LHFPL4: variants seen among roughly 807,000 people sequenced by gnomAD.
LHFPL4 encodes LHFPL tetraspan subfamily member 4.
LHFPL4 carries 6 observed loss-of-function variants against 20.0 expected under a neutral mutation model. The observed-to-expected ratio is 0.30, with a 90% CI of 0.16 to 0.59. The LOEUF (loss-of-function observed/expected upper bound fraction) is 0.59, where lower values mean the gene tolerates loss of function less well. LHFPL4 is among the 20% of genes least tolerant of loss of function. LHFPL4 has a pLI of 0.88. For missense variants in LHFPL4, 215 were observed against 331.2 expected, an observed-to-expected ratio of 0.65 and a Z score of 2.72; for synonymous variants, 129 against 143.8, an observed-to-expected ratio of 0.90 and a Z score of 0.74.
At chr3:9,544,623 TCAAAA>T (rs755762911) in intron 2 of LHFPL4, among the ~76,000 whole-genome samples, 4 of 152,164 alleles carry the variant, frequency 2.6e-5, no homozygotes, top group Admixed American at 6.6e-5. Flanking sequence ...AGACTCTATC[TCAAAA>T]CAAACAAACA....
intron 2 of LHFPL4, among the ~76,000 whole-genome samples, chr3:9,543,736 T>TTTTTTTTTTTTG (rs2046493452): frequency 6.8e-6 from 1 of 146,430 alleles, no homozygotes; most frequent in East Asian, 2.0e-4. Flanking sequence ...TTGGTTTTTT[T>TTTTTTTTTTTTG]TTTTTTTTTT....
In LHFPL4 at chr3:9,552,662, C is replaced by T; in HGVS notation, c.18G>A (p.Glu6=). Residue 6 remains glutamate (E), a synonymous_variant, in exon 2 of 4, where the codon GAG becomes GAA. Transcript: ENST00000287585. MLPSQ[E]ASKLYHEHYM... is the part of the protein sequence containing the mutation. ...AGTGCTCGTGGTAGAGCTTGGAGGC[C>T]TCCTGCGAGGGCAGCATGGTGCCCG... 1 of 1,593,388 alleles carries T rather than the reference C, an allele frequency of 6.3e-7. No individual in the cohort carries two copies. The highest frequency in any genetic ancestry group is 8.5e-7 in the Non-Finnish European group (1 of 1,170,160).
chr3:9,522,902 G>A (rs1402332996), intron 2 of LHFPL4, among the ~76,000 whole-genome samples: 1 of 151,658 alleles, frequency 6.6e-6, no homozygotes, highest in Non-Finnish European at 1.5e-5. Flanking sequence ...TTAGCCTGGC[G>A]TGGTGGTGGG....
intron 3 of LHFPL4, among the ~76,000 whole-genome samples, chr3:9,504,114 T>C (rs1053141066): frequency 6.6e-6 from 1 of 152,160 alleles, no homozygotes; most frequent in African/African-American, 2.4e-5. Flanking sequence ...CTCATGCCTG[T>C]AATCCCAACA....
chr3:9,517,148 T>A (rs2046308459), intron 2 of LHFPL4, among the ~76,000 whole-genome samples: 1 of 152,160 alleles, frequency 6.6e-6, no homozygotes, highest in Non-Finnish European at 1.5e-5. Context: ...GTAGTATCAA[T>A]CCTCTGATTT....
intron 2 of LHFPL4, among the ~76,000 whole-genome samples, chr3:9,546,197 C>A (rs991599333): frequency 4.0e-5 from 6 of 151,236 alleles, no homozygotes; most frequent in Admixed American, 1.3e-4. Flanking sequence ...TGCCTGTAAT[C>A]CCAGCTACTC....
chr3:9,504,773 G>T (rs973443189), intron 3 of LHFPL4, among the ~76,000 whole-genome samples: 12 of 151,150 alleles, frequency 7.9e-5, no homozygotes, highest in Admixed American at 2.6e-4. Flanking sequence ...TGCAGTGAGT[G>T]GAGATCGCGC....
rs193018646 is a variant in LHFPL4, at chr3:9,521,779, T to C, written c.407-15576A>G. On this transcript the variant is annotated intron_variant, in intron 2 of 3. Transcript: ENST00000287585. ...TACTTTTAATCAATATGTGTCTTTATATTTAAGTGGGTTTCTTAAAAGACA... is the reference window on the plus strand; with the variant it reads ...TACTTTTAATCAATATGTGTCTTTACATTTAAGTGGGTTTCTTAAAAGACA... 1.1e-3 allele frequency among the ~76,000 whole-genome samples: 173 copies of C among 152,272 alleles called. 1 individual carries two copies. The highest frequency in any genetic ancestry group is 3.8e-3 in the African/African-American group (158 of 41,562).
At chr3:9,514,408 T>C (rs2125657751) in intron 2 of LHFPL4, among the ~76,000 whole-genome samples, 1 of 152,232 alleles carries the variant, frequency 6.6e-6, no homozygotes, top group East Asian at 1.9e-4. Flanking sequence ...AGATTTCCCA[T>C]CCACTCCCTG....
At chr3:9,544,591 C>T (rs2046500041) in intron 2 of LHFPL4, among the ~76,000 whole-genome samples, 2 of 152,182 alleles carry the variant, frequency 1.3e-5, no homozygotes, top group Admixed American at 6.5e-5. Flanking sequence ...GACCACTGCA[C>T]TCCAGACCAG....
chr3:9,502,625 C>A (rs926131483), intron 3 of LHFPL4, among the ~76,000 whole-genome samples: 23 of 151,872 alleles, frequency 1.5e-4, no homozygotes, highest in Admixed American at 1.3e-3. Flanking sequence ...ATCGCTTGAA[C>A]CCAGGAGGCA....
rs765656634 is a variant in LHFPL4 at position 9,534,157 on chromosome 3, C to G, written c.406+18117G>C. Reference sequence around the variant, plus strand: ...ATTTGAACCTGGGATGCAGAGGTTGCAGTGACCTGAGATTGTCCCACTGCA... The same window carrying G: ...ATTTGAACCTGGGATGCAGAGGTTGGAGTGACCTGAGATTGTCCCACTGCA... On this transcript the variant is annotated intron_variant, in intron 2 of 3. Coordinates refer to ENST00000287585, the MANE Select transcript of LHFPL4 (RefSeq NM_198560.3). 1.3e-4 allele frequency among the ~76,000 whole-genome samples: 20 copies of G among 151,366 alleles called. 1 individual carries two copies.
intron 2 of LHFPL4, among the ~76,000 whole-genome samples, chr3:9,523,990 C>A (rs143889353): frequency 1.1e-4 from 15 of 137,672 alleles, no homozygotes; most frequent in African/African-American, 1.5e-4. Context: ...ATTTCCCCCC[C>A]CCCCAACACT....
intron 2 of LHFPL4, among the ~76,000 whole-genome samples, chr3:9,549,860 C>T (rs1559525095): frequency 6.6e-6 from 1 of 152,054 alleles, no homozygotes; most frequent in Admixed American, 6.6e-5. Flanking sequence ...TCCCAGGATC[C>T]CCACAGGGCT....
chr3:9,524,795 T>C (rs901034812), intron 2 of LHFPL4, among the ~76,000 whole-genome samples: 7 of 152,230 alleles, frequency 4.6e-5, no homozygotes, highest in Non-Finnish European at 1.5e-5. Context: ...TTTTGCCTTT[T>C]AGTATCCCTT....
intron 2 of LHFPL4, among the ~76,000 whole-genome samples, chr3:9,511,989 G>C (rs967999577): frequency 6.6e-6 from 1 of 151,652 alleles, no homozygotes; most frequent in African/African-American, 2.4e-5. Context: ...CTGGAGTGCA[G>C]TGGCGCAATC....
At chr3:9,505,827 G>A (rs2046214008) in intron 3 of LHFPL4, 140 bp downstream of exon 3, 3 of 796,124 alleles carry the variant, frequency 3.8e-6, no homozygotes, top group Non-Finnish European at 4.1e-6. Context: ...CCAAAGTGCT[G>A]GGATTATAGG....
chr3:9,536,160 T>C (rs1414003967), intron 2 of LHFPL4, among the ~76,000 whole-genome samples: 1 of 152,212 alleles, frequency 6.6e-6, no homozygotes, highest in African/African-American at 2.4e-5. Flanking sequence ...TGGTGACAAC[T>C]GTCTCACAGG....
At chr3:9,503,687 G>T (rs1248150987) in intron 3 of LHFPL4, among the ~76,000 whole-genome samples, 1 of 152,090 alleles carries the variant, frequency 6.6e-6, no homozygotes, top group African/African-American at 2.4e-5. Context: ...GTATTTTAAT[G>T]CTACTTGATA....
Sources: allele counts gnomAD v4.1 joint callset (sites outside exome capture counted in the v4.1 genomes callset), GRCh38; gene constraint gnomAD v4.1.1; transcripts MANE v1.5; gene names NCBI Gene and HGNC (gene_info 2026-07-23, HGNC 2026-07-21).